Variants in PXK observed in about 807,000 individuals in gnomAD.
PXK encodes PX domain containing serine/threonine kinase like, also known as PX domain-containing protein kinase-like protein.
A neutral mutation model predicts 84.7 loss-of-function variants in PXK; 35 were observed. The observed-to-expected ratio is 0.41, with a 90% CI of 0.32 to 0.55. The LOEUF is 0.55. Among genes scored for constraint, PXK ranks in the 20% least tolerant of loss-of-function variants. The pLI, the probability that PXK is intolerant of heterozygous loss-of-function variation, is 0.21. For missense variants in PXK, 634 were observed against 699.7 expected (o/e 0.91, Z 1.06); for synonymous variants, 253 against 260.8 (o/e 0.97, Z 0.29).
intron 1 of PXK, among the ~76,000 whole-genome samples, chr3:58,335,316 T>C (rs1486777257): frequency 6.6e-6 from 1 of 152,190 alleles, no homozygotes; most frequent in Non-Finnish European, 1.5e-5. Flanking sequence ...TAGCATTGTC[T>C]TGCGTAATTT....
Position 58,336,059 on chromosome 3 carries a change from ATATATATATATATTT to A in PXK, c.102+2971_102+2985del, listed in dbSNP as rs1167349359. On this transcript the variant is annotated intron_variant, in intron 1 of 17. Transcript: ENST00000356151. ...GAAACATATATATATATATATATAT[ATATATATATATATTT>A]TTTTTTTTTTTTTTTAATACCAATG... Among the ~76,000 whole-genome samples, 111 of 58,348 alleles carry A rather than the reference ATATATATATATATTT, an allele frequency of 1.9e-3. 1 individual carries two copies. The highest frequency in any genetic ancestry group is 9.8e-3 in the African/African-American group (107 of 10,970). 38.3% of individuals were successfully genotyped at this position (58,348 alleles called of 152,430 possible).
chr3:58,346,402 G>A (rs1261529597), intron 1 of PXK, among the ~76,000 whole-genome samples: 2 of 152,014 alleles, frequency 1.3e-5, no homozygotes, highest in African/African-American at 4.8e-5. Flanking sequence ...GGAGAGGGGA[G>A]GAACACAATA....
At chr3:58,344,336 TCTCA>T (rs1248652100) in intron 1 of PXK, among the ~76,000 whole-genome samples, 2 of 152,274 alleles carry the variant, frequency 1.3e-5, no homozygotes, top group Non-Finnish European at 2.9e-5. Context: ...TAAAAGTTTG[TCTCA>T]CTGTCAACTG....
chr3:58,409,911 T>G lies in PXK; in HGVS notation c.1396-179T>G, dbSNP rs997022217. 2.0e-5 allele frequency among the ~76,000 whole-genome samples: 3 copies of G among 152,240 alleles called. No homozygotes were observed. The highest frequency in any genetic ancestry group is 7.2e-5 in the African/African-American group (3 of 41,460). ...TAAAGTCAGCATTTTTTGTTTTATT[T>G]CTGCCTTTAGTTTTGGCTGTGACTT... On this transcript the variant is annotated intron_variant, in intron 15 of 17. Coordinates refer to ENST00000356151, the MANE Select transcript of PXK (RefSeq NM_017771.5). This position sits in a 1 kb window ranked among gnomAD's most constrained non-coding sequence, Gnocchi z 4.2.
chr3:58,343,839 G>A (rs2107811488), intron 1 of PXK, among the ~76,000 whole-genome samples: 1 of 152,304 alleles, frequency 6.6e-6, no homozygotes, highest in Non-Finnish European at 1.5e-5. Flanking sequence ...TACTGCTGCT[G>A]ACCATTGTAC....
intron 1 of PXK, among the ~76,000 whole-genome samples, chr3:58,359,050 G>A (rs1172567292): frequency 1.3e-5 from 2 of 152,096 alleles, no homozygotes; most frequent in Admixed American, 6.6e-5. Flanking sequence ...AACAAAGCAC[G>A]GGTTTGGAAC....
At chr3:58,348,901 G>T (rs1418578073) in intron 1 of PXK, among the ~76,000 whole-genome samples, 2 of 152,068 alleles carry the variant, frequency 1.3e-5, no homozygotes, top group African/African-American at 4.8e-5. Flanking sequence ...AACAGAGTGA[G>T]ACCCTGTCTG....
intron 1 of PXK, among the ~76,000 whole-genome samples, chr3:58,365,493 C>G (rs2098256689): frequency 6.6e-6 from 1 of 152,090 alleles, no homozygotes; most frequent in African/African-American, 2.4e-5. Context: ...CTAATTAAAT[C>G]CTGTTGGCTG....
At chr3:58,355,465 C>T (rs993622614) in intron 1 of PXK, among the ~76,000 whole-genome samples, 9 of 152,168 alleles carry the variant, frequency 5.9e-5, no homozygotes, top group African/African-American at 1.9e-4. Context: ...CGACTTAACA[C>T]GTTTATTTCA....
At chr3:58,380,339 G>A (rs1356753558) in intron 3 of PXK, among the ~76,000 whole-genome samples, 1 of 151,668 alleles carries the variant, frequency 6.6e-6, no homozygotes, top group Admixed American at 6.6e-5. Flanking sequence ...AGGCTGGGGT[G>A]ACAGGATCTC....
At chr3:58,361,192 A>G (rs1337173858) in intron 1 of PXK, among the ~76,000 whole-genome samples, 2 of 148,650 alleles carry the variant, frequency 1.3e-5, no homozygotes, top group African/African-American at 2.5e-5. Flanking sequence ...GCTACTCGAG[A>G]GGCTGAGGCA....
rs1312200707 is a variant in PXK at position 58,360,304 on chromosome 3, G to T, written c.103-5570G>T. On this transcript the variant is annotated intron_variant, in intron 1 of 17. Transcript: ENST00000356151. Reference sequence around the variant, plus strand: ...AGAGGCAGAAGTTCCTGCTTATTTGGAATTTATCAGTCTTTGCCAAATAAA... The same window carrying T: ...AGAGGCAGAAGTTCCTGCTTATTTGTAATTTATCAGTCTTTGCCAAATAAA... Among the ~76,000 whole-genome samples, 3 of 152,142 alleles carry T rather than the reference G, an allele frequency of 2.0e-5. No individual in the cohort carries two copies. In the East Asian group the frequency reaches 5.8e-4, roughly 29 times the overall value.
In PXK at chr3:58,397,781, C is replaced by A; in HGVS notation, c.1102+59C>A. On this transcript the variant is annotated intron_variant, in intron 11 of 17. Transcript: ENST00000356151. This position sits in a 1 kb window ranked among gnomAD's most constrained non-coding sequence, Gnocchi z 4.7. The stretch of plus-strand genomic sequence containing the variant: ...CTAGTAGTGTGCAGAGCCACTCATC[C>A]CCTTTCCAGAGTCCAGGAAAGACCC... The A allele has an allele frequency of 7.3e-7, 1 of 1,367,362 alleles. No individual in the cohort carries two copies. The highest frequency in any genetic ancestry group is 1.0e-6 in the Non-Finnish European group (1 of 961,466). 84.7% of individuals were successfully genotyped at this position (1,367,362 alleles called of 1,614,324 possible). A position where few individuals can be genotyped will look rare whatever the true frequency, so the allele number is the denominator to read the frequency against.
intron 17 of PXK, among the ~76,000 whole-genome samples, chr3:58,418,300 G>A (rs1468264709): frequency 6.6e-6 from 1 of 152,180 alleles, no homozygotes; most frequent in Non-Finnish European, 1.5e-5. Flanking sequence ...TATCCAGTGT[G>A]AGTGGACTCC....
Position 58,409,725 on chromosome 3 carries a change from C to T in PXK, c.1395+107C>T. 1.1e-6 allele frequency: 1 copy of T among 888,092 alleles called. No homozygotes were observed. Among genetic ancestry groups the T allele is most frequent in the Non-Finnish European group, 1.7e-6 (1 of 591,212 alleles). 55.0% of individuals were successfully genotyped at this position (888,092 alleles called of 1,614,324 possible). On this transcript the variant is annotated intron_variant, in intron 15 of 17. Transcript: ENST00000356151. The surrounding 1 kb of genome is among the most constrained non-coding windows in gnomAD (Gnocchi z 4.2). ...AATGACAGATGCTGTGCTATATCTC[C>T]TTGAAAGCTAAGACTATTTCCAGAT... is the stretch of plus-strand genomic sequence containing the variant.
chr3:58,348,507 T>G (rs917171950), intron 1 of PXK, among the ~76,000 whole-genome samples: 1 of 152,234 alleles, frequency 6.6e-6, no homozygotes, highest in Non-Finnish European at 1.5e-5. Context: ...ACTTTACATT[T>G]TCTAGTAGCC....
At chr3:58,357,108 G>A (rs1274270154) in intron 1 of PXK, among the ~76,000 whole-genome samples, 6 of 150,882 alleles carry the variant, frequency 4.0e-5, no homozygotes, top group Admixed American at 2.0e-4. Context: ...GTGAAACCCC[G>A]TCTCTACTAA....
chr3:58,375,400 A>G (rs2098432942), intron 3 of PXK, among the ~76,000 whole-genome samples: 1 of 152,234 alleles, frequency 6.6e-6, no homozygotes, highest in Non-Finnish European at 1.5e-5. Flanking sequence ...ATAAAAATTA[A>G]TGAACCAACC....
intron 1 of PXK, among the ~76,000 whole-genome samples, chr3:58,337,685 G>A (rs1192138919): frequency 6.6e-6 from 1 of 152,008 alleles, no homozygotes; most frequent in African/African-American, 2.4e-5. Context: ...GTCCAGGTTG[G>A]TCTCAAACTC....
Sources: allele counts gnomAD v4.1 joint callset (sites outside exome capture counted in the v4.1 genomes callset), GRCh38; gene constraint gnomAD v4.1.1; non-coding constraint Gnocchi (gnomAD v3.1); transcripts MANE v1.5; gene names NCBI Gene and HGNC (gene_info 2026-07-23, HGNC 2026-07-21).